AFF2: variants seen among roughly 807,000 people sequenced by gnomAD.
AFF2 encodes the protein ALF transcription elongation factor 2, also known as AF4/FMR2 family member 2.
A neutral mutation model predicts 76.9 loss-of-function variants in AFF2; 14 were observed. The ratio of observed to expected loss-of-function variants is 0.18; its 90% CI spans 0.12 to 0.28. The LOEUF is 0.28. AFF2 is among the 10% of genes least tolerant of loss of function. The pLI is 1.00. For synonymous variants in AFF2, 398 were observed against 366.7 expected (o/e 1.09, Z -0.98); for missense variants, 868 against 1,001.1 (o/e 0.87, Z 1.79).
At chrX:148,515,140 G>T (rs1557233640) in intron 1 of AFF2, among the ~76,000 whole-genome samples, 1 of 111,742 alleles carries the variant, frequency 8.9e-6, no homozygotes, top group African/African-American at 3.3e-5. Flanking sequence ...TACTTTGAAA[G>T]GTAATAAACA....
intron 1 of AFF2, among the ~76,000 whole-genome samples, chrX:148,638,004 A>G (rs1422126546): frequency 9.1e-6 from 1 of 110,322 alleles, no homozygotes; most frequent in Non-Finnish European, 1.9e-5. Context: ...TAAATGGCAG[A>G]ATCACTCTCG....
chrX:148,522,244 G>A (rs1557234618), intron 1 of AFF2, among the ~76,000 whole-genome samples: 1 of 112,684 alleles, frequency 8.9e-6, no homozygotes, highest in Non-Finnish European at 1.9e-5. Context: ...AGGATTGCAG[G>A]TGTACAGCTC....
At position 148,952,392 on chromosome X, in the gene AFF2, G is replaced by T. The variant is rs192046082; in HGVS notation, c.1398-1188G>T. ...GAATGCGAGGGAGAGAGCAAGTCAG[G>T]TTGCTGCTGCATGCAAGAGGCTGCG... On this transcript the variant is annotated intron_variant, in intron 9 of 20. Coordinates refer to ENST00000370460, the MANE Select transcript of AFF2 (RefSeq NM_002025.4). Among the ~76,000 whole-genome samples, 29 of 111,508 alleles carry T rather than the reference G, an allele frequency of 2.6e-4. 1 individual carries two copies. The South Asian group carries it at 9.6e-3, about 37-fold the overall frequency.
intron 7 of AFF2, 28 bp downstream of exon 7, chrX:148,843,461 C>T (rs782138955): frequency 1.5e-5 from 18 of 1,172,914 alleles, no homozygotes; most frequent in Admixed American, 1.3e-4. Flanking sequence ...CAAATCAGGC[C>T]TTTTTGGGGA....
chrX:148,712,890 A>G (rs2054985099), intron 3 of AFF2, among the ~76,000 whole-genome samples: 1 of 111,870 alleles, frequency 8.9e-6, no homozygotes, highest in Non-Finnish European at 1.9e-5. Flanking sequence ...AATAATGAAA[A>G]TAAGTGTGTA....
At chrX:148,762,420 T>TATATAC (rs1225408056) in intron 3 of AFF2, among the ~76,000 whole-genome samples, 2 of 101,121 alleles carry the variant, frequency 2.0e-5, no homozygotes, top group African/African-American at 8.9e-5. Flanking sequence ...TATATATATA[T>TATATAC]ACACATGCAC....
chrX:148,578,890 C>A (rs1367123425), intron 1 of AFF2, among the ~76,000 whole-genome samples: 2 of 111,619 alleles, frequency 1.8e-5, no homozygotes, highest in African/African-American at 6.5e-5. Flanking sequence ...TAGAAAGGCA[C>A]CCCTCCCCAG....
In AFF2 at chrX:148,993,705, T is replaced by C. The variant is rs782234739; in HGVS notation, c.*2373T>C. On this transcript the variant is annotated 3_prime_UTR_variant, in exon 21 of 21. Coordinates refer to ENST00000370460, the MANE Select transcript of AFF2 (RefSeq NM_002025.4). ...AGGCAAGAGGATTCTCTGTCATCTC[T>C]GGTGACTGAGTGTAAAATATGTGCC... The C allele has an allele frequency of 8.9e-6, 1 of 112,329 alleles. No homozygotes were observed. The highest frequency in any genetic ancestry group is 2.8e-4 in the East Asian group (1 of 3,555). The allele number at this position is 112,329 out of a possible 1,213,427, so 9.3% of individuals were successfully genotyped here. A position where few individuals can be genotyped will look rare whatever the true frequency, so the allele number is the denominator to read the frequency against.
At chrX:148,983,317 G>T (rs1472487794) in intron 19 of AFF2, among the ~76,000 whole-genome samples, 1 of 112,270 alleles carries the variant, frequency 8.9e-6, no homozygotes, top group African/African-American at 3.2e-5. Flanking sequence ...GGAGGAAAAT[G>T]GACCTGCTAT....
chrX:148,679,348 A>G (rs2054522326), intron 3 of AFF2, among the ~76,000 whole-genome samples: 1 of 109,291 alleles, frequency 9.1e-6, no homozygotes, highest in African/African-American at 3.3e-5. Context: ...ACATTTAAAA[A>G]TTATGTCTTC....
chrX:148,804,855 C>G (rs2070107003), intron 3 of AFF2, among the ~76,000 whole-genome samples: 1 of 111,942 alleles, frequency 8.9e-6, no homozygotes, highest in African/African-American at 3.3e-5. Context: ...AGGCAGGAAG[C>G]AAGGGACAGA....
chrX:148,898,082 AT>A (rs1275885325), intron 8 of AFF2, among the ~76,000 whole-genome samples: 3 of 112,216 alleles, frequency 2.7e-5, no homozygotes, highest in Admixed American at 9.4e-5. Flanking sequence ...TTGCCAAAGG[AT>A]TTTCTATCCA....
intron 3 of AFF2, among the ~76,000 whole-genome samples, chrX:148,737,382 G>A (rs2055297480): frequency 9.0e-6 from 1 of 111,236 alleles, no homozygotes; most frequent in South Asian, 3.8e-4. Flanking sequence ...TGCAGCTATT[G>A]TAAAAGGGGT....
chrX:148,590,868 C>A (rs1012284451), intron 1 of AFF2, among the ~76,000 whole-genome samples: 1 of 111,940 alleles, frequency 8.9e-6, no homozygotes, highest in Non-Finnish European at 1.9e-5. Context: ...TGCAAAATAA[C>A]TGGATCGTAA....
intron 3 of AFF2, among the ~76,000 whole-genome samples, chrX:148,709,250 TTGACTGCCTTGCCAAA>T (rs782305251): frequency 1.7e-4 from 19 of 111,874 alleles, no homozygotes; most frequent in Non-Finnish European, 3.2e-4. Context: ...AAATTTTGGA[TTGACTGCCTTGCCAAA>T]TGTGCCATTA....
At position 148,953,511 on chromosome X, in the gene AFF2, C is replaced by T. The variant is rs377325574; in HGVS notation, c.1398-69C>T. On this transcript the variant is annotated intron_variant, in intron 9 of 20. Coordinates refer to ENST00000370460, the MANE Select transcript of AFF2 (RefSeq NM_002025.4). ...ATTTCACAGACCACAGGCCCTTCAC[C>T]TGAACTGGGCTGTTTTCCATCTTAT... 30 of 1,111,707 alleles carry T rather than the reference C, an allele frequency of 2.7e-5. No individual in the cohort carries two copies. The African/African-American group carries it at 4.6e-4, about 17-fold the overall frequency. 91.6% of individuals were successfully genotyped at this position (1,111,707 alleles called of 1,213,427 possible). A position where few individuals can be genotyped will look rare whatever the true frequency, so the allele number is the denominator to read the frequency against.
intron 3 of AFF2, among the ~76,000 whole-genome samples, chrX:148,800,194 T>C (rs1557270817): frequency 8.9e-6 from 1 of 112,181 alleles, no homozygotes; most frequent in East Asian, 2.8e-4. Context: ...GGATCATCAC[T>C]GTCAAAGAAG....
At chrX:148,502,674 T>A (rs1557232020) in intron 1 of AFF2, among the ~76,000 whole-genome samples, 2 of 112,844 alleles carry the variant, frequency 1.8e-5, no homozygotes, top group African/African-American at 6.4e-5. Context: ...TTCACTAATT[T>A]ATTTTGCAGA....
chrX:148,508,648 A>G (rs1394269981), intron 1 of AFF2, among the ~76,000 whole-genome samples: 3 of 112,024 alleles, frequency 2.7e-5, no homozygotes, highest in African/African-American at 6.5e-5. Context: ...CCCCTTCAGG[A>G]TGTCAGCCAA....
Sources: allele counts gnomAD v4.1 joint callset (sites outside exome capture counted in the v4.1 genomes callset), GRCh38; gene constraint gnomAD v4.1.1; transcripts MANE v1.5; gene names NCBI Gene and HGNC (gene_info 2026-07-23, HGNC 2026-07-21).